Variants in SLC45A2 observed in about 807,000 individuals in gnomAD.
The protein encoded by SLC45A2 is solute carrier family 45 member 2.
SLC45A2 carries 36 observed loss-of-function variants against 45.5 expected under a neutral mutation model. That is an observed-to-expected ratio of 0.79 (90% confidence interval 0.61 to 1.04). The LOEUF is 1.04. SLC45A2 is among the 50% of genes least tolerant of loss of function. The pLI, the probability that SLC45A2 is intolerant of heterozygous loss-of-function variation, is 0.00. For missense variants in SLC45A2, 719 were observed against 671.0 expected (o/e 1.07, Z -0.79); for synonymous variants, 306 against 269.3 (o/e 1.14, Z -1.33).
chr5:33,947,073 C>T, intron 6 of SLC45A2, 90 bp downstream of exon 6: 3 of 1,613,232 alleles, frequency 1.9e-6, no homozygotes, highest in Non-Finnish European at 8.5e-7. Context: ...CCTTATTTTC[C>T]AGCTCTGCTC....
chr5:33,974,642 A>G (rs963402842), intron 2 of SLC45A2, among the ~76,000 whole-genome samples: 1 of 152,224 alleles, frequency 6.6e-6, no homozygotes, highest in African/African-American at 2.4e-5. Context: ...TTTGGCATGT[A>G]TGCAAAGACA....
intron 2 of SLC45A2, among the ~76,000 whole-genome samples, chr5:33,964,651 T>C (rs1430674015): frequency 1.3e-5 from 2 of 152,188 alleles, no homozygotes; most frequent in Admixed American, 1.3e-4. Context: ...AATCCTATTA[T>C]CGTTTCCCAG....
At chr5:33,946,531 T>C in intron 6 of SLC45A2, 3 of 986,630 alleles carry the variant, frequency 3.0e-6, no homozygotes, top group African/African-American at 1.7e-5. Context: ...CCAACTCTGT[T>C]ATAAGCACTG....
intron 4 of SLC45A2, among the ~76,000 whole-genome samples, chr5:33,952,215 C>T (rs992568887): frequency 2.0e-5 from 3 of 152,090 alleles, no homozygotes; most frequent in African/African-American, 7.2e-5. Flanking sequence ...CATCCTTGAA[C>T]CCCTGGCCTC....
chr5:33,965,542 T>C (rs1318556385), intron 2 of SLC45A2, among the ~76,000 whole-genome samples: 32 of 152,160 alleles, frequency 2.1e-4, no homozygotes, highest in Admixed American at 2.1e-3. Context: ...GTAAGACATA[T>C]AGTCTCTGGA....
rs768917343 is a variant in SLC45A2, at chr5:33,963,895, C to A, written c.684G>T (p.Leu228Phe). The change falls in exon 3 of 7, where the codon TTG becomes TTT. Residue 228 changes from leucine (L) to phenylalanine (F), a missense_variant. By Grantham distance (22) the Leu-to-Phe change is conservative (BLOSUM62 0). Transcript: ENST00000296589. ...TACTGCACAGATGAACAGTAAAACA[C>A]AAAGTGAGCACCAATGCAGAGAAGA... ...MFFFSALVLT[L>F]CFTVHLCSIS... is the part of the protein sequence containing the mutation. 6.2e-7 allele frequency: 1 copy of A among 1,614,010 alleles called. No homozygotes were observed. Among genetic ancestry groups the A allele is most frequent in the African/African-American group, 1.3e-5 (1 of 74,904 alleles).
rs544179721 is a variant in SLC45A2, at chr5:33,961,588, C to T, written c.888+2103G>A. Among the ~76,000 whole-genome samples, 20 of 152,304 alleles carry T rather than the reference C, an allele frequency of 1.3e-4. No homozygotes were observed. The South Asian group carries it at 2.7e-3, about 21-fold the overall frequency. ...AACTCAGGGGCGATCTCTTCCATAA[C>T]GCTTTTCTCCATTTATTTAGGCACA... On this transcript the variant is annotated intron_variant, in intron 3 of 6. Coordinates refer to ENST00000296589, the MANE Select transcript of SLC45A2 (RefSeq NM_016180.5).
At chr5:33,950,032 A>AT (rs956352560) in intron 5 of SLC45A2, among the ~76,000 whole-genome samples, 1 of 151,544 alleles carries the variant, frequency 6.6e-6, no homozygotes, top group Non-Finnish European at 1.5e-5. Context: ...TAAAAAAAAA[A>AT]TTTTTTTTAA....
rs113060639 is a variant in SLC45A2, at chr5:33,947,741, T to C, written c.1157-367A>G. On this transcript the variant is annotated intron_variant, in intron 5 of 6. Coordinates refer to ENST00000296589, the MANE Select transcript of SLC45A2 (RefSeq NM_016180.5). Reference sequence around the variant, plus strand: ...GTGGGTTATTCTAAATCAGATGGGCTGTGGCCCCATAGGACGAAAATAATA... The same window carrying C: ...GTGGGTTATTCTAAATCAGATGGGCCGTGGCCCCATAGGACGAAAATAATA... 3.9e-5 allele frequency among the ~76,000 whole-genome samples: 6 copies of C among 152,340 alleles called. 1 individual carries two copies. The highest frequency in any genetic ancestry group is 1.4e-4 in the African/African-American group (6 of 41,586).
At chr5:33,973,100 G>A (rs1248768468) in intron 2 of SLC45A2, among the ~76,000 whole-genome samples, 1 of 152,128 alleles carries the variant, frequency 6.6e-6, no homozygotes, top group Non-Finnish European at 1.5e-5. Context: ...GTGTGTTTGC[G>A]ATCAGAGTAA....
intron 5 of SLC45A2, among the ~76,000 whole-genome samples, chr5:33,949,883 C>T (rs369082021): frequency 1.2e-3 from 186 of 152,024 alleles, no homozygotes; most frequent in African/African-American, 4.1e-3. Flanking sequence ...TGACACTTTT[C>T]TTTCTGACAA....
chr5:33,978,618 A>G (rs1439074786), intron 2 of SLC45A2, among the ~76,000 whole-genome samples: 3 of 152,198 alleles, frequency 2.0e-5, no homozygotes, highest in East Asian at 1.9e-4. Flanking sequence ...TCAATTGCCA[A>G]TTGAAAAAGT....
chr5:33,972,140 G>C, intron 2 of SLC45A2: 3 of 520,008 alleles, frequency 5.8e-6, no homozygotes, highest in South Asian at 4.3e-5. Context: ...TTATGCCAGG[G>C]ACCATCCACC....
In SLC45A2 at chr5:33,980,177, A is replaced by G. The variant is rs919373826; in HGVS notation, c.562+2059T>C. Among the ~76,000 whole-genome samples, 12 of 152,254 alleles carry G rather than the reference A, an allele frequency of 7.9e-5. 1 individual carries two copies. The highest frequency in any genetic ancestry group is 7.2e-4 in the Admixed American group (11 of 15,292). On this transcript the variant is annotated intron_variant, in intron 2 of 6. Transcript: ENST00000296589. ...ATCTATTCAATGAGACTTTCCGGCTATGGACTATGGGCAAGTGACTTAATC... is the reference window on the plus strand; with the variant it reads ...ATCTATTCAATGAGACTTTCCGGCTGTGGACTATGGGCAAGTGACTTAATC...
chr5:33,973,994 G>A (rs563894433), intron 2 of SLC45A2, among the ~76,000 whole-genome samples: 2 of 152,340 alleles, frequency 1.3e-5, no homozygotes, highest in South Asian at 4.1e-4. Flanking sequence ...GGCCTTTCCT[G>A]TCATGCCTGA....
At chr5:33,982,513 CTTTTA>C (rs1311127381) in intron 1 of SLC45A2, 101 bp from the exon 2 acceptor site, 1 of 1,218,458 alleles carries the variant, frequency 8.2e-7, no homozygotes, top group East Asian at 2.5e-5. Flanking sequence ...ATCTTCCTTG[CTTTTA>C]TTTTGCTTTT....
intron 6 of SLC45A2, among the ~76,000 whole-genome samples, chr5:33,945,098 G>T (rs1477002731): frequency 1.3e-5 from 2 of 152,186 alleles, no homozygotes; most frequent in African/African-American, 4.8e-5. Flanking sequence ...ATTAGCATTT[G>T]ATTTCATGTA....
At chr5:33,978,333 A>G (rs1752986551) in intron 2 of SLC45A2, among the ~76,000 whole-genome samples, 1 of 152,184 alleles carries the variant, frequency 6.6e-6, no homozygotes, top group Non-Finnish European at 1.5e-5. Flanking sequence ...TTTACCCAAA[A>G]TATATTTCTT....
chr5:33,951,989 C>T (rs1474377556), intron 4 of SLC45A2, among the ~76,000 whole-genome samples: 1 of 152,108 alleles, frequency 6.6e-6, no homozygotes, highest in African/African-American at 2.4e-5. Flanking sequence ...TACAGCCAAT[C>T]GGCTTCTGAC....
Sources: allele counts gnomAD v4.1 joint callset (sites outside exome capture counted in the v4.1 genomes callset), GRCh38; gene constraint gnomAD v4.1.1; transcripts MANE v1.5; gene names NCBI Gene and HGNC (gene_info 2026-07-23, HGNC 2026-07-21).